KCNIP4: variants seen among roughly 807,000 people sequenced by gnomAD.
KCNIP4 encodes the protein Kv channel-interacting protein 4.
In KCNIP4, 12 loss-of-function variants were observed where a neutral mutation model predicts 34.0. The observed-to-expected ratio is 0.35, with a 90% CI of 0.23 to 0.57. The LOEUF is 0.57. Ranked by LOEUF, KCNIP4 falls within the 20% of genes least tolerant of loss-of-function variation. The pLI is 0.83. For synonymous variants in KCNIP4, 124 were observed against 102.2 expected, an observed-to-expected ratio of 1.21 and a Z score of -1.29; for missense variants, 238 against 311.7, an observed-to-expected ratio of 0.76 and a Z score of 1.78.
chr4:20,992,037 A>G (rs572914008), intron 1 of KCNIP4, among the ~76,000 whole-genome samples: 40 of 152,330 alleles, frequency 2.6e-4, no homozygotes, highest in African/African-American at 8.9e-4. Flanking sequence ...ATGCTTTCCA[A>G]TTCTGAAGAG....
intron 1 of KCNIP4, among the ~76,000 whole-genome samples, chr4:21,025,820 G>A (rs1577557066): frequency 6.6e-6 from 1 of 152,004 alleles, no homozygotes; most frequent in African/African-American, 2.4e-5. Context: ...TCCCTAAAGT[G>A]CTGGGATTAC....
chr4:21,469,546 C>T (rs1348512650), intron 1 of KCNIP4, among the ~76,000 whole-genome samples: 1 of 152,116 alleles, frequency 6.6e-6, no homozygotes, highest in Non-Finnish European at 1.5e-5. Flanking sequence ...CCTTTCCTTT[C>T]AATGAAAACG....
chr4:21,352,105 A>T (rs540198636), intron 1 of KCNIP4, among the ~76,000 whole-genome samples: 2 of 152,156 alleles, frequency 1.3e-5, no homozygotes, highest in African/African-American at 2.4e-5. Flanking sequence ...GAGATATTTT[A>T]TCTTGTTTTA....
In KCNIP4 at chr4:20,991,381, G is replaced by A. The variant is rs565865369; in HGVS notation, c.62-108672C>T. 8.9e-4 allele frequency among the ~76,000 whole-genome samples: 135 copies of A among 152,190 alleles called. No homozygotes were observed. The Middle Eastern group carries it at 0.01, about 12-fold the overall frequency. On this transcript the variant is annotated intron_variant, in intron 1 of 8. Transcript: ENST00000382152. ...ACAAATGAGATGAGGGAAGGAGCTC[G>A]GGATAGAGGTGAGAGGAAGGAGAAA...
chr4:21,597,675 C>T (rs2109111247), intron 1 of KCNIP4, among the ~76,000 whole-genome samples: 1 of 152,236 alleles, frequency 6.6e-6, no homozygotes, highest in South Asian at 2.1e-4. Flanking sequence ...CCTAGGTCTA[C>T]TGTATTCATT....
At position 20,864,244 on chromosome 4, in the gene KCNIP4, ATG is replaced by A. The variant is rs1019131340; in HGVS notation, c.164-13579_164-13578del. Among the ~76,000 whole-genome samples the A allele has an allele frequency of 1.9e-4, 18 of 96,230 alleles. 1 individual carries two copies. Among genetic ancestry groups the A allele is most frequent in the African/African-American group, 7.8e-4 (18 of 22,934 alleles). 63.1% of individuals were successfully genotyped at this position (96,230 alleles called of 152,430 possible). A position where few individuals can be genotyped will look rare whatever the true frequency, so the allele number is the denominator to read the frequency against. On this transcript the variant is annotated intron_variant, in intron 2 of 8. Coordinates refer to ENST00000382152, the MANE Select transcript of KCNIP4 (RefSeq NM_025221.6). ...TATGCATATATATGTACACATATGT[ATG>A]TATATATGCACACATATGTATGTAC...
At chr4:20,968,618 T>G (rs1734620359) in intron 1 of KCNIP4, among the ~76,000 whole-genome samples, 1 of 152,126 alleles carries the variant, frequency 6.6e-6, no homozygotes, top group Admixed American at 6.6e-5. Flanking sequence ...TGAGTTCATG[T>G]CCTTTGCAGG....
chr4:21,524,876 C>T (rs751609434), intron 1 of KCNIP4, among the ~76,000 whole-genome samples: 2 of 152,034 alleles, frequency 1.3e-5, no homozygotes, highest in African/African-American at 2.4e-5. Context: ...CCATGAATGA[C>T]TTCTGTCTTA....
At chr4:21,678,006 C>T (rs572130212) in intron 1 of KCNIP4, among the ~76,000 whole-genome samples, 24 of 152,280 alleles carry the variant, frequency 1.6e-4, no homozygotes, top group Middle Eastern at 3.4e-3. Context: ...CCTGCCTCGG[C>T]GTCCCAAAGT....
chr4:21,298,717 T>C (rs1045407652), intron 1 of KCNIP4, among the ~76,000 whole-genome samples: 2 of 152,208 alleles, frequency 1.3e-5, no homozygotes. Context: ...TACAAGAGTT[T>C]GTTTAATTTA....
intron 1 of KCNIP4, among the ~76,000 whole-genome samples, chr4:20,954,551 T>A (rs1046896877): frequency 6.6e-6 from 1 of 152,144 alleles, no homozygotes; most frequent in Non-Finnish European, 1.5e-5. Flanking sequence ...GATCAAGGTA[T>A]AATGAAACAA....
At chr4:21,556,802 TC>T (rs1739053154) in intron 1 of KCNIP4, among the ~76,000 whole-genome samples, 1 of 150,770 alleles carries the variant, frequency 6.6e-6, no homozygotes, top group African/African-American at 2.4e-5. Context: ...GTGCCTGTAA[TC>T]CCAGCTACTC....
chr4:21,507,018 C>A (rs1204078023), intron 1 of KCNIP4, among the ~76,000 whole-genome samples: 1 of 151,922 alleles, frequency 6.6e-6, no homozygotes, highest in African/African-American at 2.4e-5. Context: ...AAATTCCCAG[C>A]CTCAAGTGAT....
At chr4:21,847,961 C>T (rs2109331215) in intron 1 of KCNIP4, 1 of 152,054 alleles carries the variant, frequency 6.6e-6, no homozygotes, top group East Asian at 1.9e-4. Context: ...TTGCAACACG[C>T]TGGTTGGAAT....
intron 1 of KCNIP4, among the ~76,000 whole-genome samples, chr4:21,026,717 C>A (rs962771790): frequency 6.6e-6 from 1 of 152,038 alleles, no homozygotes; most frequent in Non-Finnish European, 1.5e-5. Context: ...TCATTAATTT[C>A]TTTTTAGAAT....
At chr4:21,609,409 T>C (rs1743978690) in intron 1 of KCNIP4, among the ~76,000 whole-genome samples, 1 of 152,174 alleles carries the variant, frequency 6.6e-6, no homozygotes, top group Non-Finnish European at 1.5e-5. Context: ...AATGAATTCA[T>C]TCATAGTGAT....
chr4:21,006,856 G>A (rs962251663), intron 1 of KCNIP4, among the ~76,000 whole-genome samples: 5 of 152,122 alleles, frequency 3.3e-5, no homozygotes, highest in African/African-American at 1.2e-4. Context: ...TGCAGAATGG[G>A]GCATGACAGG....
chr4:21,165,651 G>A (rs1753579525), intron 1 of KCNIP4, among the ~76,000 whole-genome samples: 1 of 152,036 alleles, frequency 6.6e-6, no homozygotes, highest in African/African-American at 2.4e-5. Context: ...TTCTAGATAT[G>A]AGACCAAAAA....
At chr4:21,088,570 G>A (rs1486807934) in intron 1 of KCNIP4, among the ~76,000 whole-genome samples, 2 of 152,070 alleles carry the variant, frequency 1.3e-5, no homozygotes, top group South Asian at 4.1e-4. Context: ...TCTGGGCCCT[G>A]CGTGTCTCCT....
Sources: allele counts gnomAD v4.1 joint callset (sites outside exome capture counted in the v4.1 genomes callset), GRCh38; gene constraint gnomAD v4.1.1; transcripts MANE v1.5; gene names NCBI Gene and HGNC (gene_info 2026-07-23, HGNC 2026-07-21).